The following LEF1 variants were observed in gnomAD, a reference collection of about 807,000 sequenced individuals.
LEF1 encodes lymphoid enhancer binding factor 1, also known as lymphoid enhancer-binding factor 1.
In LEF1, 14 loss-of-function variants were observed where a neutral mutation model predicts 51.2. The observed-to-expected ratio is 0.27, with a 90% CI of 0.18 to 0.43. The LOEUF (loss-of-function observed/expected upper bound fraction) is 0.43, where lower values mean the gene tolerates loss of function less well. LEF1 is among the 20% of genes least tolerant of loss of function. The probability of loss-of-function intolerance (pLI) is 1.00; values close to 1 mark genes in which losing one functional copy is unlikely to be tolerated. For missense variants in LEF1, 386 were observed against 512.0 expected, an observed-to-expected ratio of 0.75 and a Z score of 2.37; for synonymous variants, 185 against 183.2, an observed-to-expected ratio of 1.01 and a Z score of -0.08.
chr4:108,147,272 T>C (rs1336644344), intron 3 of LEF1, among the ~76,000 whole-genome samples: 1 of 151,464 alleles, frequency 6.6e-6, no homozygotes, highest in Non-Finnish European at 1.5e-5. Context: ...AAAAAAAAAG[T>C]CTTTAAAAGG....
chr4:108,101,185 A>C (rs1740797303), intron 3 of LEF1, among the ~76,000 whole-genome samples: 2 of 152,208 alleles, frequency 1.3e-5, no homozygotes, highest in African/African-American at 4.8e-5. Context: ...GTAAGGCATA[A>C]TGTAAAACGT....
chr4:108,118,187 A>G (rs1315724774), intron 3 of LEF1, among the ~76,000 whole-genome samples: 1 of 152,242 alleles, frequency 6.6e-6, no homozygotes, highest in Non-Finnish European at 1.5e-5. Context: ...TACCACAAGA[A>G]CAAATAATTA....
chr4:108,132,557 C>A (rs570223356), intron 3 of LEF1, among the ~76,000 whole-genome samples: 5 of 151,656 alleles, frequency 3.3e-5, no homozygotes, highest in Non-Finnish European at 5.9e-5. Context: ...ACTGAACTAG[C>A]CTGCATCAGA....
intron 3 of LEF1, among the ~76,000 whole-genome samples, chr4:108,091,188 G>A (rs1721044984): frequency 1.3e-5 from 2 of 152,068 alleles, no homozygotes; most frequent in African/African-American, 4.8e-5. Context: ...ACTGCACAAT[G>A]TGAACTGCTT....
intron 3 of LEF1, among the ~76,000 whole-genome samples, chr4:108,157,219 C>CACACACACAA (rs1491087050): frequency 6.8e-6 from 1 of 146,662 alleles, no homozygotes; most frequent in Non-Finnish European, 1.5e-5. Flanking sequence ...CACACACACA[C>CACACACACAA]AAACACACAT....
At chr4:108,128,915 G>A (rs1742704796) in intron 3 of LEF1, among the ~76,000 whole-genome samples, 4 of 152,138 alleles carry the variant, frequency 2.6e-5, no homozygotes, top group South Asian at 2.1e-4. Flanking sequence ...ATCATAAGTG[G>A]TTGTCTCTAA....
intron 9 of LEF1, among the ~76,000 whole-genome samples, chr4:108,067,112 C>T (rs1738130320): frequency 6.6e-6 from 1 of 152,160 alleles, no homozygotes; most frequent in Non-Finnish European, 1.5e-5. Flanking sequence ...CTTCTGTTTG[C>T]CTCAGTAATT....
rs565783032 is a variant in LEF1, at chr4:108,082,732, C to T, written c.638+624G>A. 1.7e-4 allele frequency among the ~76,000 whole-genome samples: 26 copies of T among 152,236 alleles called. No homozygotes were observed. In the Middle Eastern group the frequency reaches 0.01, roughly 60 times the overall value. Reference sequence around the variant, plus strand: ...CTTTCTTCCCAAAATATATTTCCTTCACCTTCATAATTGAAAAGATTTTGG... The same window carrying T: ...CTTTCTTCCCAAAATATATTTCCTTTACCTTCATAATTGAAAAGATTTTGG... On this transcript the variant is annotated intron_variant, in intron 5 of 11. Coordinates refer to ENST00000265165, the MANE Select transcript of LEF1 (RefSeq NM_016269.5).
intron 9 of LEF1, 127 bp from the exon 10 acceptor site, chr4:108,064,511 C>A: frequency 1.6e-6 from 1 of 636,430 alleles, no homozygotes. Flanking sequence ...TCCCTCTTCA[C>A]CATCTCTATC....
chr4:108,166,909 T>TGG, intron 1 of LEF1: 1 of 746,748 alleles, frequency 1.3e-6, no homozygotes, highest in Non-Finnish European at 1.6e-6. Context: ...AGCTCCCAGC[T>TGG]GCTAGCCCAG....
At chr4:108,134,071 G>T (rs772446237) in intron 3 of LEF1, among the ~76,000 whole-genome samples, 2 of 151,338 alleles carry the variant, frequency 1.3e-5, no homozygotes, top group African/African-American at 4.9e-5. Context: ...TTGTATTTTC[G>T]CAGTGAAGCA....
chr4:108,084,400 G>C (rs1416279450), intron 4 of LEF1, among the ~76,000 whole-genome samples: 1 of 152,194 alleles, frequency 6.6e-6, no homozygotes, highest in African/African-American at 2.4e-5. Flanking sequence ...TATACGTTTA[G>C]TGACTGTAAA....
Position 108,078,130 on chromosome 4 carries a change from G to A in LEF1, c.1008+90C>T. 4 of 1,194,186 alleles carry A rather than the reference G, an allele frequency of 3.3e-6. No homozygotes were observed. The Admixed American group carries it at 7.8e-5, about 23-fold the overall frequency. The allele number at this position is 1,194,186 out of a possible 1,614,324, so 74.0% of individuals were successfully genotyped here. ...ATCTTGAAGTGCAAACACATTCTAT[G>A]ACCACCTGATATGGGATTAAATTGG... On this transcript the variant is annotated intron_variant, in intron 8 of 11. Coordinates refer to ENST00000265165, the MANE Select transcript of LEF1 (RefSeq NM_016269.5).
intron 11 of LEF1, among the ~76,000 whole-genome samples, chr4:108,050,345 G>A (rs982834656): frequency 8.5e-5 from 13 of 152,210 alleles, no homozygotes; most frequent in Admixed American, 6.5e-5. Flanking sequence ...GACTGGTGGA[G>A]CCGGAAGTGC....
In LEF1 at chr4:108,167,475, C is replaced by G. The variant is rs1015173082; in HGVS notation, c.213+80G>C. On this transcript the variant is annotated intron_variant, in intron 1 of 11. Transcript: ENST00000265165. This position sits in a 1 kb window ranked among gnomAD's most constrained non-coding sequence, Gnocchi z 5.7. Reference sequence around the variant, plus strand: ...CGGGACCCTCAGCCGGGCGGCCGGGCGCCTTCGTTCCCTTCCTCCCTCTCT... The same window carrying G: ...CGGGACCCTCAGCCGGGCGGCCGGGGGCCTTCGTTCCCTTCCTCCCTCTCT... 2.1e-6 allele frequency: 3 copies of G among 1,451,556 alleles called. No individual in the cohort carries two copies. The highest frequency in any genetic ancestry group is 2.9e-6 in the Non-Finnish European group (3 of 1,051,306). The allele number at this position is 1,451,556 out of a possible 1,614,324, so 89.9% of individuals were successfully genotyped here.
At chr4:108,148,078 C>A (rs1489543973) in intron 3 of LEF1, among the ~76,000 whole-genome samples, 2 of 152,110 alleles carry the variant, frequency 1.3e-5, no homozygotes, top group Non-Finnish European at 2.9e-5. Context: ...GGTGGTGGTA[C>A]TAAATAAACA....
chr4:108,102,808 C>T (rs925273968), intron 3 of LEF1, among the ~76,000 whole-genome samples: 2 of 152,124 alleles, frequency 1.3e-5, no homozygotes, highest in Non-Finnish European at 2.9e-5. Flanking sequence ...GAATGAGCTC[C>T]TCCAACAAAA....
intron 9 of LEF1, among the ~76,000 whole-genome samples, chr4:108,065,412 A>C (rs893924058): frequency 3.5e-4 from 53 of 152,364 alleles, no homozygotes; most frequent in African/African-American, 1.2e-3. Flanking sequence ...TTGAACCCGG[A>C]GGCAGAGGTT....
intron 3 of LEF1, among the ~76,000 whole-genome samples, chr4:108,161,868 T>C (rs1042159272): frequency 5.9e-5 from 9 of 152,184 alleles, no homozygotes; most frequent in Admixed American, 1.3e-4. Flanking sequence ...GAAAGATTAT[T>C]TGTTATTCTG....
Sources: allele counts gnomAD v4.1 joint callset (sites outside exome capture counted in the v4.1 genomes callset), GRCh38; gene constraint gnomAD v4.1.1; non-coding constraint Gnocchi (gnomAD v3.1); transcripts MANE v1.5; gene names NCBI Gene and HGNC (gene_info 2026-07-23, HGNC 2026-07-21).